Variants in DSCAM observed in about 807,000 individuals in gnomAD.
The protein encoded by DSCAM is DS cell adhesion molecule.
DSCAM carries 47 observed loss-of-function variants against 217.7 expected under a neutral mutation model. That is an observed-to-expected ratio of 0.22 (90% CI 0.17 to 0.28). The LOEUF (loss-of-function observed/expected upper bound fraction) is 0.28. DSCAM is among the 10% of genes least tolerant of loss of function. DSCAM has a pLI of 1.00. For missense variants in DSCAM, 2,080 were observed against 2,618.3 expected, an observed-to-expected ratio of 0.79 and a Z score of 4.49; for synonymous variants, 1,056 against 1,015.3, an observed-to-expected ratio of 1.04 and a Z score of -0.76.
At chr21:40,492,212 T>C (rs1020276273) in intron 3 of DSCAM, among the ~76,000 whole-genome samples, 2 of 152,212 alleles carry the variant, frequency 1.3e-5, no homozygotes, top group African/African-American at 4.8e-5. Flanking sequence ...TTATTAGGTA[T>C]AGATTATAGA....
intron 20 of DSCAM, among the ~76,000 whole-genome samples, chr21:40,119,998 G>A (rs903367267): frequency 6.6e-6 from 1 of 152,118 alleles, no homozygotes; most frequent in Admixed American, 6.5e-5. Flanking sequence ...TGCAGTCTGT[G>A]GCTGATTGGG....
chr21:40,682,997 A>C (rs556464674), intron 3 of DSCAM, among the ~76,000 whole-genome samples: 1 of 152,340 alleles, frequency 6.6e-6, no homozygotes, highest in Admixed American at 6.5e-5. Flanking sequence ...CCTTGCAAGA[A>C]GAAACATGAG....
intron 3 of DSCAM, among the ~76,000 whole-genome samples, chr21:40,429,012 A>G (rs2075503992): frequency 6.6e-6 from 1 of 151,422 alleles, no homozygotes. Context: ...CTGAGTACAT[A>G]CTGTATAGGA....
chr21:40,073,221 A>G (rs531481179), intron 27 of DSCAM, among the ~76,000 whole-genome samples: 1 of 152,324 alleles, frequency 6.6e-6, no homozygotes, highest in Admixed American at 6.5e-5. Flanking sequence ...GAGCAATAGG[A>G]GTCAGGGAAA....
chr21:40,548,940 C>T (rs2076607098), intron 3 of DSCAM, among the ~76,000 whole-genome samples: 1 of 152,220 alleles, frequency 6.6e-6, no homozygotes, highest in Non-Finnish European at 1.5e-5. Flanking sequence ...CACGGTGGCT[C>T]ATGCCTGTAA....
At chr21:40,044,590 A>C (rs904872770) in intron 30 of DSCAM, among the ~76,000 whole-genome samples, 2 of 152,168 alleles carry the variant, frequency 1.3e-5, no homozygotes, top group Admixed American at 1.3e-4. Flanking sequence ...CTAGAAATGG[A>C]ATGAGGGGAG....
At chr21:40,490,986 C>T (rs2076071805) in intron 3 of DSCAM, among the ~76,000 whole-genome samples, 1 of 152,152 alleles carries the variant, frequency 6.6e-6, no homozygotes, top group Admixed American at 6.5e-5. Context: ...TTTTACGTGA[C>T]TTGGGCACAT....
chr21:40,028,723 G>C (rs532577983), intron 32 of DSCAM, among the ~76,000 whole-genome samples: 4 of 151,714 alleles, frequency 2.6e-5, no homozygotes, highest in African/African-American at 9.7e-5. Context: ...CACAGTGTGC[G>C]CACCCACTGT....
intron 3 of DSCAM, among the ~76,000 whole-genome samples, chr21:40,504,615 C>G (rs568917331): frequency 6.6e-6 from 1 of 152,268 alleles, no homozygotes; most frequent in African/African-American, 2.4e-5. Context: ...GCGAAAGGCT[C>G]AAATAATGCG....
chr21:40,182,351 G>C (rs1457905443), intron 14 of DSCAM, among the ~76,000 whole-genome samples: 1 of 152,072 alleles, frequency 6.6e-6, no homozygotes, highest in Non-Finnish European at 1.5e-5. Flanking sequence ...CAAGAGAGGA[G>C]AGGGGTTGGG....
At chr21:40,393,446 C>T (rs1471678620) in intron 3 of DSCAM, among the ~76,000 whole-genome samples, 1 of 152,074 alleles carries the variant, frequency 6.6e-6, no homozygotes, top group Non-Finnish European at 1.5e-5. Flanking sequence ...AGCCACTTTA[C>T]TAAATGTATA....
At position 40,584,942 on chromosome 21, in the gene DSCAM, G is replaced by A. The variant is rs1018595735; in HGVS notation, c.508+107868C>T. Reference sequence around the variant, plus strand: ...ATAAATGGCTTGGTGCCGTCTTCACGGTAATGAGTGAGTTTCAGCTCTATT... The same window carrying A: ...ATAAATGGCTTGGTGCCGTCTTCACAGTAATGAGTGAGTTTCAGCTCTATT... On this transcript the variant is annotated intron_variant, in intron 3 of 32. Coordinates refer to ENST00000400454, the MANE Select transcript of DSCAM (RefSeq NM_001389.5). Among the ~76,000 whole-genome samples, 9 of 152,072 alleles carry A rather than the reference G, an allele frequency of 5.9e-5. No individual in the cohort carries two copies. The South Asian group carries it at 1.7e-3, about 28-fold the overall frequency.
intron 1 of DSCAM, among the ~76,000 whole-genome samples, chr21:40,820,195 G>A (rs1569053086): frequency 6.6e-6 from 1 of 151,992 alleles, no homozygotes; most frequent in Non-Finnish European, 1.5e-5. Context: ...TAATAGCAAA[G>A]ACTTGGAAAC....
intron 1 of DSCAM, among the ~76,000 whole-genome samples, chr21:40,781,371 C>T (rs904072756): frequency 1.1e-4 from 17 of 152,070 alleles, no homozygotes; most frequent in African/African-American, 3.4e-4. Context: ...GCATATAGAA[C>T]GGCAGAACAT....
chr21:40,685,875 T>C (rs1231389059), intron 3 of DSCAM, among the ~76,000 whole-genome samples: 9 of 152,120 alleles, frequency 5.9e-5, no homozygotes, highest in Admixed American at 5.2e-4. Flanking sequence ...TATCCTGGCA[T>C]TGTATTGTGG....
At chr21:40,739,954 ATTTTTTT>A (rs56815777) in intron 1 of DSCAM, among the ~76,000 whole-genome samples, 40 of 58,972 alleles carry the variant, frequency 6.8e-4, no homozygotes, top group East Asian at 2.9e-3. Context: ...TGCAGGTGTA[ATTTTTTT>A]TTTTTTTTTT....
chr21:40,217,346 T>C (rs576275325), intron 11 of DSCAM, among the ~76,000 whole-genome samples: 3 of 152,226 alleles, frequency 2.0e-5, no homozygotes, highest in East Asian at 1.9e-4. Flanking sequence ...TAAAAAGATA[T>C]GATTTCTGAG....
intron 3 of DSCAM, among the ~76,000 whole-genome samples, chr21:40,539,101 C>A (rs1014876593): frequency 2.6e-5 from 4 of 152,112 alleles, no homozygotes; most frequent in Admixed American, 1.3e-4. Context: ...TACAGACAAG[C>A]TTTAGGGGTC....
At position 40,536,783 on chromosome 21, in the gene DSCAM, C is replaced by A. The variant is rs960210659; in HGVS notation, c.508+156027G>T. 6.5e-4 allele frequency among the ~76,000 whole-genome samples: 99 copies of A among 152,160 alleles called. 4 individuals carry two copies. The highest frequency in any genetic ancestry group is 1.0e-4 in the Non-Finnish European group (7 of 68,024). On this transcript the variant is annotated intron_variant, in intron 3 of 32. Coordinates refer to ENST00000400454, the MANE Select transcript of DSCAM (RefSeq NM_001389.5). The stretch of plus-strand genomic sequence containing the variant: ...TAAGGACATAATATAACGGCTGACA[C>A]AGAAATACAGTTTTGGGATGCGTAA...
Sources: gnomAD v4.1 joint callset for allele counts (sites outside exome capture counted in the v4.1 genomes callset) on GRCh38, gnomAD v4.1.1 for gene constraint, MANE v1.5 for transcripts, NCBI Gene and HGNC (gene_info 2026-07-23, HGNC 2026-07-21) for gene names.